The following TOM1 variants were observed in gnomAD, a reference collection of about 807,000 sequenced individuals.
The protein encoded by TOM1 is target of myb1 membrane trafficking protein.
Under a neutral mutation model 61.3 loss-of-function variants are expected in TOM1, and 38 were observed. The observed-to-expected ratio is 0.62, with a 90% CI of 0.48 to 0.81. The LOEUF (loss-of-function observed/expected upper bound fraction) is 0.81. Ranked by LOEUF, TOM1 falls within the 40% of genes least tolerant of loss-of-function variation. The probability of loss-of-function intolerance (pLI) is 0.00; values close to 1 mark genes in which losing one functional copy is unlikely to be tolerated. For missense variants in TOM1, 591 were observed against 659.6 expected (o/e 0.90, Z 1.14); for synonymous variants, 270 against 268.8 (o/e 1.00, Z -0.04).
At chr22:35,334,752 C>T (rs1055965612) in intron 11 of TOM1, among the ~76,000 whole-genome samples, 4 of 152,054 alleles carry the variant, frequency 2.6e-5, no homozygotes, top group African/African-American at 9.7e-5. Flanking sequence ...GCTCATTTGC[C>T]CCAGGTCAAG....
intron 6 of TOM1, among the ~76,000 whole-genome samples, chr22:35,326,514 T>G (rs1312572227): frequency 6.6e-6 from 1 of 152,122 alleles, no homozygotes; most frequent in Non-Finnish European, 1.5e-5. Flanking sequence ...TAAATCTGAG[T>G]TTCATATTCA....
At chr22:35,322,839 C>T (rs1433503820) in intron 3 of TOM1, among the ~76,000 whole-genome samples, 189 bp from the exon 4 acceptor site, 1 of 152,192 alleles carries the variant, frequency 6.6e-6, no homozygotes, top group South Asian at 2.1e-4. Context: ...TAGGCCGTGC[C>T]CTCCAGTAAA....
chr22:35,319,242 G>C lies in TOM1; in HGVS notation c.137+1281G>C, dbSNP rs1380483853. ...ATCCTTGGGGACAGCAAGCCCCCAT[G>C]TCCCTTATAAACATGGGAGGAACAG... On this transcript the variant is annotated intron_variant, in intron 2 of 14. Transcript: ENST00000449058. 3.3e-5 allele frequency among the ~76,000 whole-genome samples: 5 copies of C among 152,148 alleles called. No individual in the cohort carries two copies. The South Asian group carries it at 6.2e-4, about 19-fold the overall frequency.
chr22:35,324,176 C>T (rs1365437006), intron 6 of TOM1, among the ~76,000 whole-genome samples: 1 of 152,216 alleles, frequency 6.6e-6, no homozygotes, highest in Admixed American at 6.5e-5. Flanking sequence ...TGTACCTTGG[C>T]CATTTTCCAA....
intron 1 of TOM1, among the ~76,000 whole-genome samples, chr22:35,307,150 C>A (rs1926394687): frequency 6.6e-6 from 1 of 152,174 alleles, no homozygotes; most frequent in African/African-American, 2.4e-5. Context: ...AGATCTTGAT[C>A]TAGGCCAGTG....
At position 35,308,217 on chromosome 22, in the gene TOM1, T is replaced by C. The variant is rs184242970; in HGVS notation, c.52+8237T>C. On this transcript the variant is annotated intron_variant, in intron 1 of 14. Coordinates refer to ENST00000449058, the MANE Select transcript of TOM1 (RefSeq NM_005488.3). ...CCTTAAGCGCTCGCTCTTTCTCCTG[T>C]GTGTGTGTGTGTGTCTGTCTCTCTC... is the stretch of plus-strand genomic sequence containing the variant. Among the ~76,000 whole-genome samples the C allele has an allele frequency of 9.4e-3, 1,421 of 151,478 alleles. 19 individuals are homozygous for C. Among genetic ancestry groups the C allele is most frequent in the African/African-American group, 0.032 (1,340 of 41,364 alleles).
Position 35,347,230 on chromosome 22 carries a change from C to A in TOM1, c.*21C>A, listed in dbSNP as rs751021039. Reference sequence around the variant, plus strand: ...TATGAGTGTGGGGTCTGGCACCCTGCAGCCCAGGTCCCCACTGCTCTCACA... The same window carrying A: ...TATGAGTGTGGGGTCTGGCACCCTGAAGCCCAGGTCCCCACTGCTCTCACA... On this transcript the variant is annotated 3_prime_UTR_variant, in exon 15 of 15. Transcript: ENST00000449058. The A allele has an allele frequency of 6.3e-7, 1 of 1,575,998 alleles. No homozygotes were observed. Among genetic ancestry groups the A allele is most frequent in the Admixed American group, 1.8e-5 (1 of 54,578 alleles).
intron 6 of TOM1, 23 bp from the exon 7 acceptor site, chr22:35,327,248 C>T: frequency 6.2e-7 from 1 of 1,608,560 alleles, no homozygotes; most frequent in Non-Finnish European, 8.5e-7. Context: ...GCTTCTCTCA[C>T]CACGATCAAC....
chr22:35,317,413 C>G (rs1288256527), intron 1 of TOM1, among the ~76,000 whole-genome samples: 2 of 152,162 alleles, frequency 1.3e-5, no homozygotes, highest in African/African-American at 4.8e-5. Flanking sequence ...GGTCTCAACT[C>G]CTGACCTCAG....
chr22:35,299,847 G>A, upstream of TOM1: 4 of 1,494,900 alleles, frequency 2.7e-6, no homozygotes, highest in Non-Finnish European at 3.6e-6. Context: ...GCCGGCCTCC[G>A]AGTGCGTCAC....
At chr22:35,328,846 C>T (rs1601696375) in intron 7 of TOM1, among the ~76,000 whole-genome samples, 1 of 152,256 alleles carries the variant, frequency 6.6e-6, no homozygotes, top group East Asian at 1.9e-4. Flanking sequence ...GCTCCCTGGA[C>T]CTCAGGACCC....
chr22:35,321,286 C>T lies in TOM1; in HGVS notation c.138-673C>T. Among the ~76,000 whole-genome samples, 2 of 151,990 alleles carry T rather than the reference C, an allele frequency of 1.3e-5. 1 individual carries two copies. Among genetic ancestry groups the T allele is most frequent in the Middle Eastern group, 6.4e-3 (2 of 314 alleles). ...CATGAGAAGCATTCAGATTCAGGGG[C>T]CCCACTCCCTGAGAATTTGGTTCAG... is the stretch of plus-strand genomic sequence containing the variant. On this transcript the variant is annotated intron_variant, in intron 2 of 14. Transcript: ENST00000449058.
chr22:35,323,129 GAAC>G lies in TOM1; in HGVS notation c.322_324del (p.Asn108del). ...TGCTGGTGAGGACCATCCTGCCCAAGAACAACCCACCCACCATCGTGCATGACA... is the reference window on the plus strand; with the variant it reads ...TGCTGGTGAGGACCATCCTGCCCAAGAACCCACCCACCATCGTGCATGACA... On this transcript the variant is annotated inframe_deletion, in exon 4 of 15. Coordinates refer to ENST00000449058, the MANE Select transcript of TOM1 (RefSeq NM_005488.3). This position sits in a 1 kb window ranked among gnomAD's most constrained non-coding sequence, Gnocchi z 4.2. 6.2e-7 allele frequency: 1 copy of G among 1,614,132 alleles called. No homozygotes were observed. The highest frequency in any genetic ancestry group is 8.5e-7 in the Non-Finnish European group (1 of 1,180,032).
chr22:35,323,200 G>T lies in TOM1; in HGVS notation c.366+23G>T, dbSNP rs1168746014. On this transcript the variant is annotated intron_variant, in intron 4 of 14. Transcript: ENST00000449058. This position sits in a 1 kb window ranked among gnomAD's most constrained non-coding sequence, Gnocchi z 4.2. ...CAGGTGAGTGCCAGGACAGGGCAGG[G>T]CACGGCCAGGAAGAGCTGTCAGTGC... 2 of 1,611,244 alleles carry T rather than the reference G, an allele frequency of 1.2e-6. No homozygotes were observed. The highest frequency in any genetic ancestry group is 2.2e-5 in the South Asian group (2 of 91,008).
At chr22:35,314,520 C>T (rs752194520) in intron 1 of TOM1, among the ~76,000 whole-genome samples, 1 of 152,136 alleles carries the variant, frequency 6.6e-6, no homozygotes, top group African/African-American at 2.4e-5. Flanking sequence ...TCAATGTCCC[C>T]GCTTCCCTTT....
intron 12 of TOM1, among the ~76,000 whole-genome samples, chr22:35,339,279 A>G (rs1400272781): frequency 6.6e-6 from 1 of 152,100 alleles, no homozygotes; most frequent in Non-Finnish European, 1.5e-5. Context: ...TGCAGGGAGC[A>G]GAGATTGTGC....
At chr22:35,329,689 A>G (rs1214259174) in intron 7 of TOM1, among the ~76,000 whole-genome samples, 1 of 152,220 alleles carries the variant, frequency 6.6e-6, no homozygotes, top group African/African-American at 2.4e-5. Context: ...GCATACCCCC[A>G]GAAGTTGTGG....
chr22:35,345,740 G>A lies in TOM1; in HGVS notation c.1240G>A (p.Ala414Thr). ...QSTGAIPVTQ[A>T]CLMEDIEQWL... is the part of the protein sequence containing the mutation. ...TTCCTTCCAGATCCCAGTCACCCAG[G>A]CCTGCCTCATGGAGGACATCGAGCA... The change falls in exon 13 of 15, where the codon GCC becomes ACC. Residue 414 changes from alanine to threonine, a missense_variant. By Grantham distance (58) the Ala-to-Thr change is moderately conservative. Coordinates refer to ENST00000449058, the MANE Select transcript of TOM1 (RefSeq NM_005488.3). 1 of 1,614,122 alleles carries A rather than the reference G, an allele frequency of 6.2e-7. No individual in the cohort carries two copies. The highest frequency in any genetic ancestry group is 1.1e-5 in the South Asian group (1 of 91,084).
chr22:35,346,430 A>G (rs1930505716), intron 13 of TOM1, among the ~76,000 whole-genome samples: 1 of 152,216 alleles, frequency 6.6e-6, no homozygotes, highest in Non-Finnish European at 1.5e-5. Context: ...GCCACAGACC[A>G]AGGACTCAGG....
Sources: gnomAD v4.1 joint callset for allele counts (sites outside exome capture counted in the v4.1 genomes callset) on GRCh38, gnomAD v4.1.1 for gene constraint, Gnocchi (gnomAD v3.1) non-coding constraint, MANE v1.5 for transcripts, NCBI Gene and HGNC (gene_info 2026-07-23, HGNC 2026-07-21) for gene names.